The following ADD3 variants were observed in gnomAD, a reference collection of about 807,000 sequenced individuals.
ADD3 encodes adducin 3.
A neutral mutation model predicts 80.2 loss-of-function variants in ADD3; 25 were observed. That is an observed-to-expected ratio of 0.31 (90% confidence interval 0.23 to 0.44). The LOEUF is 0.44. Ranked by LOEUF, ADD3 falls within the 20% of genes least tolerant of loss-of-function variation. The pLI is 1.00. For missense variants in ADD3, 829 were observed against 847.5 expected, an observed-to-expected ratio of 0.98 and a Z score of 0.27; for synonymous variants, 284 against 289.6, an observed-to-expected ratio of 0.98 and a Z score of 0.20.
intron 1 of ADD3, among the ~76,000 whole-genome samples, chr10:110,035,066 C>CTTA (rs1855485280): frequency 6.6e-6 from 1 of 152,182 alleles, no homozygotes; most frequent in South Asian, 2.1e-4. Context: ...TTAGCTTTGG[C>CTTA]TTACCATTTG....
intron 1 of ADD3, among the ~76,000 whole-genome samples, chr10:109,998,796 C>T (rs187937869): frequency 3.3e-5 from 5 of 152,292 alleles, no homozygotes; most frequent in Admixed American, 3.3e-4. Context: ...AATGTCACCT[C>T]CTCAAAGACA....
At chr10:110,101,944 A>G (rs1158511700) in intron 2 of ADD3, among the ~76,000 whole-genome samples, 2 of 152,220 alleles carry the variant, frequency 1.3e-5, no homozygotes, top group African/African-American at 4.8e-5. Flanking sequence ...GAGCTGCCTG[A>G]AGTAGCCCTG....
intron 1 of ADD3, among the ~76,000 whole-genome samples, chr10:110,028,143 A>G (rs183982874): frequency 6.6e-6 from 1 of 152,358 alleles, no homozygotes; most frequent in African/African-American, 2.4e-5. Flanking sequence ...TATGGATAAT[A>G]TTTGGTACAT....
rs1349666424 is a variant in ADD3 at position 110,073,388 on chromosome 10, C to T, written c.-29-27237C>T. ...CGATCTCCTGACCTCGTGATCCACC[C>T]GCCTCGGCCTCCCAAACTGCTGGGA... On this transcript the variant is annotated intron_variant, in intron 1 of 14. Coordinates refer to ENST00000356080, the MANE Select transcript of ADD3 (RefSeq NM_016824.5). Among the ~76,000 whole-genome samples the T allele has an allele frequency of 6.6e-4, 101 of 152,094 alleles. 2 individuals carry two copies. The highest frequency in any genetic ancestry group is 2.2e-4 in the Non-Finnish European group (15 of 67,962).
intron 2 of ADD3, chr10:110,112,359 A>G (rs1246585103): frequency 6.5e-6 from 1 of 154,404 alleles, no homozygotes; most frequent in Non-Finnish European, 1.4e-5. Context: ...ACCTCAGGTG[A>G]TCCACCCGCC....
chr10:110,057,837 T>C (rs117831073), intron 1 of ADD3, among the ~76,000 whole-genome samples: 1,618 of 152,348 alleles, frequency 0.011, 12 homozygotes, highest in Non-Finnish European at 0.017. Flanking sequence ...CAGTGATTCT[T>C]TGAAATAATC....
chr10:110,127,486 G>A lies in ADD3; in HGVS notation c.1608+983G>A, dbSNP rs188891607. On this transcript the variant is annotated intron_variant, in intron 12 of 14. Coordinates refer to ENST00000356080, the MANE Select transcript of ADD3 (RefSeq NM_016824.5). ...ACAAAAATTAGCTGTGCGTGGTGGC[G>A]TGCACCTGTAGTCCCAGCTACTCAG... Among the ~76,000 whole-genome samples the A allele has an allele frequency of 4.7e-3, 719 of 152,270 alleles. 4 individuals carry two copies. Among genetic ancestry groups the A allele is most frequent in the African/African-American group, 0.016 (677 of 41,562 alleles).
chr10:110,118,070 ACAC>A, intron 5 of ADD3, among the ~76,000 whole-genome samples: 1 of 136,116 alleles, frequency 7.3e-6, no homozygotes, highest in Admixed American at 7.3e-5. Flanking sequence ...ACACACACAC[ACAC>A]AATGTTCATA....
chr10:110,009,243 T>A (rs1174544331), intron 1 of ADD3, among the ~76,000 whole-genome samples: 1 of 152,150 alleles, frequency 6.6e-6, no homozygotes, highest in Non-Finnish European at 1.5e-5. Flanking sequence ...GGGGAAGGAA[T>A]TGATAAGATT....
intron 1 of ADD3, among the ~76,000 whole-genome samples, chr10:110,070,629 G>A (rs1844557965): frequency 2.0e-5 from 3 of 151,938 alleles, no homozygotes; most frequent in Admixed American, 1.3e-4. Context: ...TTTTGTTTTC[G>A]TTACACCTTC....
rs11194960 is a variant in ADD3, at chr10:110,029,914, G to A, written c.-30+21615G>A. The stretch of plus-strand genomic sequence containing the variant: ...TGGCCTTTAAAAATTGCCCAGACTC[G>A]TACTTTATTTACTTTATTTTAGTAA... On this transcript the variant is annotated intron_variant, in intron 1 of 14. Coordinates refer to ENST00000356080, the MANE Select transcript of ADD3 (RefSeq NM_016824.5). Among the ~76,000 whole-genome samples the A allele has an allele frequency of 7.3e-3, 1,114 of 152,112 alleles. 46 individuals carry two copies. Among genetic ancestry groups the A allele is most frequent in the Admixed American group, 0.06 (912 of 15,280 alleles).
intron 1 of ADD3, among the ~76,000 whole-genome samples, chr10:110,027,600 A>G (rs778755086): frequency 3.3e-5 from 5 of 152,152 alleles, no homozygotes; most frequent in Admixed American, 1.3e-4. Flanking sequence ...CCACAGTTCA[A>G]GTTTTCAGTA....
chr10:110,134,418 G>A lies in ADD3; in HGVS notation c.*800G>A, dbSNP rs1000873630. On this transcript the variant is annotated 3_prime_UTR_variant, in exon 15 of 15. Transcript: ENST00000356080. ...AAGCATATTAGCCAATCTTTTCACAGTAGAGCATACTTAAGGCTGCTTGGT... is the reference window on the plus strand; with the variant it reads ...AAGCATATTAGCCAATCTTTTCACAATAGAGCATACTTAAGGCTGCTTGGT... 2 of 152,382 alleles carry A rather than the reference G, an allele frequency of 1.3e-5. No individual in the cohort carries two copies. The highest frequency in any genetic ancestry group is 2.9e-5 in the Non-Finnish European group (2 of 67,994). The allele number at this position is 152,382 out of a possible 1,614,324, so 9.4% of individuals were successfully genotyped here.
chr10:110,119,412 CAG>C, intron 7 of ADD3, 52 bp from the exon 8 acceptor site: 1 of 1,613,080 alleles, frequency 6.2e-7, no homozygotes, highest in Admixed American at 1.7e-5. Context: ...TTGATGAAAA[CAG>C]TGTGAGCTAT....
chr10:110,096,644 C>T (rs528032704), intron 1 of ADD3, among the ~76,000 whole-genome samples: 24 of 152,182 alleles, frequency 1.6e-4, no homozygotes, highest in South Asian at 2.1e-4. Flanking sequence ...GCCTCTTTCT[C>T]CTCATTTTTC....
chr10:110,103,076 A>G (rs1849011351), intron 2 of ADD3, among the ~76,000 whole-genome samples: 1 of 152,146 alleles, frequency 6.6e-6, no homozygotes, highest in East Asian at 1.9e-4. Context: ...TTTTTCCTAG[A>G]TCTTGGCTAA....
chr10:110,119,700 C>T, intron 8 of ADD3, 136 bp downstream of exon 8: 1 of 680,092 alleles, frequency 1.5e-6, no homozygotes. Flanking sequence ...CTTATGTAGG[C>T]AGGGTTTTCA....
At chr10:110,083,372 C>T (rs555562831) in intron 1 of ADD3, among the ~76,000 whole-genome samples, 1 of 152,168 alleles carries the variant, frequency 6.6e-6, no homozygotes, top group Admixed American at 6.5e-5. Context: ...AAAAATTAGC[C>T]GGGCATAGTG....
chr10:110,020,374 T>G (rs1018592687), intron 1 of ADD3, among the ~76,000 whole-genome samples: 4 of 152,094 alleles, frequency 2.6e-5, no homozygotes, highest in African/African-American at 9.7e-5. Flanking sequence ...GAAGGGAAAC[T>G]AAGGGAGTGT....
Sources: allele counts gnomAD v4.1 joint callset (sites outside exome capture counted in the v4.1 genomes callset), GRCh38; gene constraint gnomAD v4.1.1; transcripts MANE v1.5; gene names NCBI Gene and HGNC (gene_info 2026-07-23, HGNC 2026-07-21).